The following SDR16C5 variants were observed in gnomAD, a reference collection of about 807,000 sequenced individuals.
The protein encoded by SDR16C5 is epidermal retinol dehydrogenase 2.
A neutral mutation model predicts 27.7 loss-of-function variants in SDR16C5; 20 were observed. That is an observed-to-expected ratio of 0.72 (90% CI 0.51 to 1.05). SDR16C5 has a LOEUF of 1.05. Ranked by LOEUF, SDR16C5 falls within the 50% of genes least tolerant of loss-of-function variation. SDR16C5 has a pLI of 0.00. For missense variants in SDR16C5, 374 were observed against 366.3 expected (o/e 1.02, Z -0.17); for synonymous variants, 139 against 132.3 (o/e 1.05, Z -0.35).
chr8:56,310,119 GA>G (rs1814989664), intron 3 of SDR16C5, among the ~76,000 whole-genome samples: 1 of 105,198 alleles, frequency 9.5e-6, no homozygotes, highest in Non-Finnish European at 2.0e-5. Context: ...GGAGGAGAAG[GA>G]AGGAGGAGGA....
intron 3 of SDR16C5, among the ~76,000 whole-genome samples, chr8:56,311,572 G>T (rs1815045563): frequency 6.6e-6 from 1 of 152,202 alleles, no homozygotes; most frequent in African/African-American, 2.4e-5. Context: ...TGAGTGGGTG[G>T]CTTTAGAAGT....
At chr8:56,303,868 A>G in intron 6 of SDR16C5, 1 of 675,306 alleles carries the variant, frequency 1.5e-6, no homozygotes, top group Non-Finnish European at 2.7e-6. Context: ...TGCCCAATAA[A>G]CAGTGCATTA....
At chr8:56,313,931 G>A (rs964795426) in intron 2 of SDR16C5, among the ~76,000 whole-genome samples, 3 of 152,222 alleles carry the variant, frequency 2.0e-5, no homozygotes, top group African/African-American at 4.8e-5. Context: ...GGTATTGGCC[G>A]GGCGCGGTAG....
In SDR16C5 at chr8:56,305,645, A is replaced by G. The variant is rs749921763; in HGVS notation, c.788T>C (p.Met263Thr). 5 of 1,600,070 alleles carry G rather than the reference A, an allele frequency of 3.1e-6. No homozygotes were observed. The highest frequency in any genetic ancestry group is 4.3e-6 in the Non-Finnish European group (5 of 1,176,260). Residue 263 changes from methionine to threonine, a missense_variant, in exon 6 of 7, where the codon ATG becomes ACG. Coordinates refer to ENST00000303749, the MANE Select transcript of SDR16C5 (RefSeq NM_138969.4). The stretch of plus-strand genomic sequence containing the variant: ...TAACAACTTTGGCATATACAAGTAC[A>G]TTTTTTCTTGTAGAATAGCTTCTAC... ...KIVEAILQEK[M>T]YLYMPKLLYF... is the part of the protein sequence containing the mutation.
intron 5 of SDR16C5, among the ~76,000 whole-genome samples, chr8:56,306,184 C>T (rs910458634): frequency 2.0e-5 from 3 of 152,150 alleles, no homozygotes; most frequent in Non-Finnish European, 1.5e-5. Context: ...CAGTGTGGAG[C>T]CCTCATGAAT....
At chr8:56,315,276 C>T (rs557403457) in intron 2 of SDR16C5, among the ~76,000 whole-genome samples, 2 of 151,640 alleles carry the variant, frequency 1.3e-5, no homozygotes, top group South Asian at 2.1e-4. Context: ...TTGTGAGGGA[C>T]GGGCACGTGC....
chr8:56,304,150 A>C (rs775309083), intron 6 of SDR16C5: 154 of 684,852 alleles, frequency 2.2e-4, no homozygotes, highest in Non-Finnish European at 3.6e-4. Context: ...TAATTAGCTA[A>C]TGAGAAAAGA....
At position 56,303,516 on chromosome 8, in the gene SDR16C5, T is replaced by A. The variant is rs570724121; in HGVS notation, c.837-1943A>T. 9.2e-5 allele frequency among the ~76,000 whole-genome samples: 14 copies of A among 152,278 alleles called. No homozygotes were observed. The East Asian group carries it at 2.7e-3, about 29-fold the overall frequency. ...ATTTCCACATGGGCAGGGACCACTG[T>A]TTGTCTTGTTCTTTGTTGTAACCCT... On this transcript the variant is annotated intron_variant, in intron 6 of 6. Coordinates refer to ENST00000303749, the MANE Select transcript of SDR16C5 (RefSeq NM_138969.4).
chr8:56,307,868 T>C (rs1338826231), intron 4 of SDR16C5, among the ~76,000 whole-genome samples: 1 of 152,122 alleles, frequency 6.6e-6, no homozygotes, highest in Non-Finnish European at 1.5e-5. Flanking sequence ...TTATACTTGT[T>C]TCTAAGATGA....
At chr8:56,319,298 T>C (rs1585924218) in intron 1 of SDR16C5, among the ~76,000 whole-genome samples, 1 of 152,268 alleles carries the variant, frequency 6.6e-6, no homozygotes, top group East Asian at 1.9e-4. Flanking sequence ...CATGGAGGCC[T>C]TTCTAGAACA....
chr8:56,317,854 C>A (rs1299282609), intron 1 of SDR16C5, among the ~76,000 whole-genome samples: 1 of 152,150 alleles, frequency 6.6e-6, no homozygotes, highest in Non-Finnish European at 1.5e-5. Context: ...TGAGTATCCA[C>A]CCTGTGCTGG....
intron 1 of SDR16C5, among the ~76,000 whole-genome samples, chr8:56,319,170 G>A (rs998932470): frequency 6.6e-6 from 1 of 150,672 alleles, no homozygotes; most frequent in Non-Finnish European, 1.5e-5. Flanking sequence ...GTCCTCTGCG[G>A]GGTGCAAGGG....
intron 1 of SDR16C5, among the ~76,000 whole-genome samples, chr8:56,319,671 T>A (rs549481749): frequency 2.0e-5 from 3 of 151,978 alleles, no homozygotes; most frequent in Non-Finnish European, 4.4e-5. Context: ...AGGGGTGATA[T>A]GGGGGTTGAT....
rs915795179 is a variant in SDR16C5, at chr8:56,305,680, A to T, written c.753T>A (p.Val251=). The T allele has an allele frequency of 1.2e-6, 2 of 1,604,024 alleles. No homozygotes were observed. The highest frequency in any genetic ancestry group is 2.3e-5 in the South Asian group (2 of 87,514). Residue 251 remains valine (V), a synonymous_variant, in exon 6 of 7, where the codon GTT becomes GTA. Transcript: ENST00000303749. The part of the protein sequence containing the change: ...LLPILEPKYA[V]EKIVEAILQE... ...GTAGAATAGCTTCTACTATTTTTTC[A>T]ACTGCATATTTTGGTTCCAGAATTG...
chr8:56,315,734 C>A (rs546730421), intron 2 of SDR16C5, among the ~76,000 whole-genome samples: 1 of 152,122 alleles, frequency 6.6e-6, no homozygotes, highest in South Asian at 2.1e-4. Context: ...TGTTTACTAA[C>A]TGTGTTTCTT....
rs1444743785 is a variant in SDR16C5, at chr8:56,309,005, G to A, written c.488C>T (p.Ala163Val). The change falls in exon 4 of 7, where the codon GCT becomes GTT. Residue 163 changes from alanine to valine, a missense_variant. By Grantham distance (64) the Ala-to-Val change is moderately conservative. Coordinates refer to ENST00000303749, the MANE Select transcript of SDR16C5 (RefSeq NM_138969.4). The part of the protein sequence containing the change: ...HLWTYKAFLP[A>V]MIANDHGHLV... ...ATGTCCATGGTCATTAGCAATCATA[G>A]CAGGTAGAAAGGCTTTATAAGTCTA... 6.2e-7 allele frequency: 1 copy of A among 1,611,188 alleles called. No individual in the cohort carries two copies. The highest frequency in any genetic ancestry group is 8.5e-7 in the Non-Finnish European group (1 of 1,178,804).
chr8:56,315,412 G>T (rs1042877982), intron 2 of SDR16C5, among the ~76,000 whole-genome samples: 3 of 152,138 alleles, frequency 2.0e-5, no homozygotes, highest in Non-Finnish European at 4.4e-5. Context: ...ATTAATAAAA[G>T]ATTCTGATTG....
chr8:56,314,771 C>T (rs1240727140), intron 2 of SDR16C5, among the ~76,000 whole-genome samples: 1 of 152,204 alleles, frequency 6.6e-6, no homozygotes, highest in African/African-American at 2.4e-5. Flanking sequence ...CAGGGACCTG[C>T]AAACCTTAGC....
chr8:56,304,006 A>T, intron 6 of SDR16C5: 1 of 703,000 alleles, frequency 1.4e-6, no homozygotes, highest in Non-Finnish European at 2.6e-6. Context: ...CTGAATTTCG[A>T]ATTGCTTGTC....
Sources: allele counts gnomAD v4.1 joint callset (sites outside exome capture counted in the v4.1 genomes callset), GRCh38; gene constraint gnomAD v4.1.1; transcripts MANE v1.5; gene names NCBI Gene and HGNC (gene_info 2026-07-23, HGNC 2026-07-21).